The following ZNF549 variants were observed in gnomAD, a reference collection of about 807,000 sequenced individuals.
ZNF549 encodes the protein zinc finger protein 549.
In ZNF549, 11 loss-of-function variants were observed where a neutral mutation model predicts 11.1. The observed-to-expected ratio is 0.99, with a 90% CI of 0.62 to 1.64. The LOEUF (loss-of-function observed/expected upper bound fraction) is 1.64. Ranked by LOEUF, ZNF549 falls within the 40% of genes most tolerant of loss-of-function variation. The pLI is 0.00. For synonymous variants in ZNF549, 266 were observed against 269.1 expected (o/e 0.99, Z 0.11); for missense variants, 748 against 765.1 (o/e 0.98, Z 0.26).
At chr19:57,528,647 A>T (rs892264997) in intron 1 of ZNF549, among the ~76,000 whole-genome samples, 8 of 152,308 alleles carry the variant, frequency 5.3e-5, no homozygotes, top group South Asian at 2.1e-4. Flanking sequence ...GATGGATTTG[A>T]GGGTGGGACA....
Position 57,540,378 on chromosome 19 carries a change from A to G in ZNF549, c.*1451A>G, listed in dbSNP as rs149557277. On this transcript the variant is annotated 3_prime_UTR_variant, in exon 4 of 4. Transcript: ENST00000376233. ...GCAGTTTTCATACACAAAACCTTCTATCTTTTTAAGAACTGTCTGTATGGT... is the reference window on the plus strand; with the variant it reads ...GCAGTTTTCATACACAAAACCTTCTGTCTTTTTAAGAACTGTCTGTATGGT... 293 of 152,350 alleles carry G rather than the reference A, an allele frequency of 1.9e-3. 3 individuals are homozygous for G. Among genetic ancestry groups the G allele is most frequent in the African/African-American group, 6.5e-3 (271 of 41,584 alleles). The allele number at this position is 152,350 out of a possible 1,614,324, so 9.4% of individuals were successfully genotyped here.
In ZNF549 at chr19:57,538,490, A is replaced by G; in HGVS notation, c.1486A>G (p.Thr496Ala). Residue 496 changes from threonine to alanine, a missense_variant, in exon 4 of 4, where the codon ACT becomes GCT. Transcript: ENST00000376233. ...QTLLKHHKIH[T>A]RERPYECSEC... Reference sequence around the variant, plus strand: ...ACTTCTTAAGCATCACAAAATCCACACTAGAGAAAGGCCTTATGAATGCAG... The same window carrying G: ...ACTTCTTAAGCATCACAAAATCCACGCTAGAGAAAGGCCTTATGAATGCAG... 6.2e-7 allele frequency: 1 copy of G among 1,614,204 alleles called. No homozygotes were observed. Among genetic ancestry groups the G allele is most frequent in the Non-Finnish European group, 8.5e-7 (1 of 1,180,032 alleles).
At position 57,531,994 on chromosome 19, in the gene ZNF549, C is replaced by T. The variant is rs534964426; in HGVS notation, c.72+886C>T. Among the ~76,000 whole-genome samples, 13 of 152,270 alleles carry T rather than the reference C, an allele frequency of 8.5e-5. No individual in the cohort carries two copies. The South Asian group carries it at 2.5e-3, about 29-fold the overall frequency. On this transcript the variant is annotated intron_variant, in intron 2 of 3. Transcript: ENST00000376233. ...GTGCTATACATTTTATTCTAAGCAC[C>T]GCTTCGACTGCATCTCACAAATTCT... is the stretch of plus-strand genomic sequence containing the variant.
Position 57,535,224 on chromosome 19 carries a change from G to T in ZNF549, c.153G>T (p.Leu51=). The change falls in exon 3 of 4, where the codon CTG becomes CTT. Residue 51 remains leucine (L), a synonymous_variant. Transcript: ENST00000376233. ...TCCTTGATGAAGCTCAAAGGTGCCT[G>T]TATCATGATGTGATGCTGGAGAACT... ...WGLLDEAQRC[L]YHDVMLENFS... is the part of the protein sequence containing the mutation. The T allele has an allele frequency of 6.2e-7, 1 of 1,614,068 alleles. No homozygotes were observed. Among genetic ancestry groups the T allele is most frequent in the Non-Finnish European group, 8.5e-7 (1 of 1,179,928 alleles).
rs963495516 is a variant in ZNF549 at position 57,527,726 on chromosome 19, C to T, written c.33+120C>T. On this transcript the variant is annotated intron_variant, in intron 1 of 3. Coordinates refer to ENST00000376233, the MANE Select transcript of ZNF549 (RefSeq NM_001199295.2). ...ACAGCGAGGAGTTCTGGGTGGGGTC[C>T]TCAGAGCTGACGGGCGGTGAGGTGA... The T allele has an allele frequency of 7.2e-6, 9 of 1,256,954 alleles. No homozygotes were observed. The African/African-American group carries it at 1.1e-4, about 15-fold the overall frequency. The allele number at this position is 1,256,954 out of a possible 1,614,324, so 77.9% of individuals were successfully genotyped here. A position where few individuals can be genotyped will look rare whatever the true frequency, so the allele number is the denominator to read the frequency against.
In ZNF549 at chr19:57,537,298, T is replaced by A; in HGVS notation, c.294T>A (p.Pro98=). The A allele has an allele frequency of 6.2e-7, 1 of 1,614,220 alleles. No homozygotes were observed. The highest frequency in any genetic ancestry group is 1.1e-5 in the South Asian group (1 of 91,086). The change falls in exon 4 of 4, where the codon CCT becomes CCA. Residue 98 remains proline, a synonymous_variant. Coordinates refer to ENST00000376233, the MANE Select transcript of ZNF549 (RefSeq NM_001199295.2). The part of the protein sequence containing the change: ...VSQARTPKLG[P]SIPNAHSCEM... ...AGGCCAGGACTCCAAAGCTAGGTCC[T>A]TCCATCCCAAATGCTCATTCTTGTG...
rs2089933686 is a variant in ZNF549 at position 57,537,883 on chromosome 19, C to T, written c.879C>T (p.His293=). The change falls in exon 4 of 4, where the codon CAC becomes CAT. Residue 293 remains histidine (H), a synonymous_variant. Transcript: ENST00000376233. ...SFLHKQTLVG[H]QQRIHTRERS... ...TCCATAAACAAACACTCGTTGGGCA[C>T]CAGCAGAGAATTCACACTAGAGAAA... The T allele has an allele frequency of 6.2e-7, 1 of 1,612,776 alleles. No homozygotes were observed. Among genetic ancestry groups the T allele is most frequent in the South Asian group, 1.1e-5 (1 of 90,964 alleles).
rs746872707 is a variant in ZNF549 at position 57,537,259 on chromosome 19, G to A, written c.255G>A (p.Ala85=). ...EEAPSEQTLS[A]QGVSQARTPK... ...CCCCTTCTGAGCAGACTCTTTCTGCGCAAGGAGTGTCACAGGCCAGGACTC... is the reference window on the plus strand; with the variant it reads ...CCCCTTCTGAGCAGACTCTTTCTGCACAAGGAGTGTCACAGGCCAGGACTC... Residue 85 remains alanine (A), a synonymous_variant, in exon 4 of 4, where the codon GCG becomes GCA. Transcript: ENST00000376233. 45 of 1,614,086 alleles carry A rather than the reference G, an allele frequency of 2.8e-5. No individual in the cohort carries two copies. The highest frequency in any genetic ancestry group is 1.6e-4 in the Middle Eastern group (1 of 6,084).
At chr19:57,536,802 C>A (rs187541671) in intron 3 of ZNF549, among the ~76,000 whole-genome samples, 1 of 152,262 alleles carries the variant, frequency 6.6e-6, no homozygotes, top group Admixed American at 6.5e-5. Flanking sequence ...TGAAAACAAA[C>A]CCATGGCCTG....
At chr19:57,529,143 T>G (rs2089892438) in intron 1 of ZNF549, among the ~76,000 whole-genome samples, 1 of 152,234 alleles carries the variant, frequency 6.6e-6, no homozygotes, top group Non-Finnish European at 1.5e-5. Context: ...TTGCTGACAG[T>G]ATTTAGTATA....
chr19:57,530,974 G>A lies in ZNF549; in HGVS notation c.34-96G>A. 2.5e-6 allele frequency: 3 copies of A among 1,179,160 alleles called. No individual in the cohort carries two copies. The African/African-American group carries it at 4.5e-5, about 18-fold the overall frequency. The allele number at this position is 1,179,160 out of a possible 1,614,324, so 73.0% of individuals were successfully genotyped here. On this transcript the variant is annotated intron_variant, in intron 1 of 3. Transcript: ENST00000376233. ...GATGAAGGCAACCTCAGAGAGGTTA[G>A]GTCTTTGTCTAGTGTCACACAGTTG...
rs1477284434 is a variant in ZNF549, at chr19:57,537,894, T to C, written c.890T>C (p.Ile297Thr). 6.2e-7 allele frequency: 1 copy of C among 1,613,702 alleles called. No individual in the cohort carries two copies. Among genetic ancestry groups the C allele is most frequent in the Non-Finnish European group, 8.5e-7 (1 of 1,179,872 alleles). The change falls in exon 4 of 4, where the codon ATT becomes ACT. Residue 297 changes from isoleucine (I) to threonine (T), a missense_variant. Coordinates refer to ENST00000376233, the MANE Select transcript of ZNF549 (RefSeq NM_001199295.2). ...KQTLVGHQQR[I>T]HTRERSYVCI... ...ACACTCGTTGGGCACCAGCAGAGAA[T>C]TCACACTAGAGAAAGGTCTTATGTG...
Position 57,537,542 on chromosome 19 carries a change from A to T in ZNF549, c.538A>T (p.Asn180Tyr), listed in dbSNP as rs142134562. The T allele has an allele frequency of 2.7e-5, 44 of 1,614,126 alleles. No homozygotes were observed. The African/African-American group carries it at 5.5e-4, about 20-fold the overall frequency. Residue 180 changes from asparagine to tyrosine, a missense_variant, in exon 4 of 4, where the codon AAT (asparagine) becomes TAT (tyrosine). Asn to Tyr is a moderately radical substitution (Grantham distance 143). Coordinates refer to ENST00000376233, the MANE Select transcript of ZNF549 (RefSeq NM_001199295.2). ...LNSCKIPLSD[N>Y]LFPCKDVEKD... ...TAGCTGCAAAATTCCTCTGTCAGAC[A>T]ATCTTTTCCCATGCAAAGATGTTGA...
rs555980095 is a variant in ZNF549 at position 57,531,190 on chromosome 19, T to C, written c.72+82T>C. 9.4e-5 allele frequency: 137 copies of C among 1,457,754 alleles called. No individual in the cohort carries two copies. The African/African-American group carries it at 1.6e-3, about 17-fold the overall frequency. The allele number at this position is 1,457,754 out of a possible 1,614,324, so 90.3% of individuals were successfully genotyped here. On this transcript the variant is annotated intron_variant, in intron 2 of 3. Transcript: ENST00000376233. ...GGCCCACAGATGCAGGTAACAATAA[T>C]GTCCTGGGACTCTTTTTCCTTCATC...
At position 57,540,365 on chromosome 19, in the gene ZNF549, C is replaced by A. The variant is rs1422149286; in HGVS notation, c.*1438C>A. On this transcript the variant is annotated 3_prime_UTR_variant, in exon 4 of 4. Transcript: ENST00000376233. ...AAAACATTGAGGTGCAGTTTTCATACACAAAACCTTCTATCTTTTTAAGAA... is the reference window on the plus strand; with the variant it reads ...AAAACATTGAGGTGCAGTTTTCATAAACAAAACCTTCTATCTTTTTAAGAA... The A allele has an allele frequency of 6.6e-6, 1 of 152,226 alleles. No individual in the cohort carries two copies. The highest frequency in any genetic ancestry group is 6.5e-5 in the Admixed American group (1 of 15,286). The allele number at this position is 152,226 out of a possible 1,614,324, so 9.4% of individuals were successfully genotyped here. A position where few individuals can be genotyped will look rare whatever the true frequency, so the allele number is the denominator to read the frequency against.
In ZNF549 at chr19:57,538,744, T is replaced by C; in HGVS notation, c.1740T>C (p.Ser580=). ...TCATTCAACACCAGAAAGTTCACAG[T>C]GGAGAGAGGCCTTATAACTGCACTG... ...TSLIQHQKVH[S]GERPYNCTAC... Residue 580 remains serine, a synonymous_variant, in exon 4 of 4, where the codon AGT becomes AGC. Transcript: ENST00000376233. The C allele has an allele frequency of 6.2e-7, 1 of 1,614,172 alleles. No individual in the cohort carries two copies. Among genetic ancestry groups the C allele is most frequent in the Non-Finnish European group, 8.5e-7 (1 of 1,180,024 alleles).
chr19:57,533,232 C>T (rs1458084634), intron 2 of ZNF549, among the ~76,000 whole-genome samples: 1 of 152,216 alleles, frequency 6.6e-6, no homozygotes, highest in Non-Finnish European at 1.5e-5. Flanking sequence ...TTAAGTCCCA[C>T]AGTTAGGTCT....
chr19:57,527,453 C>T lies in ZNF549; in HGVS notation c.-121C>T, dbSNP rs2089882292. The T allele has an allele frequency of 7.2e-7, 1 of 1,396,686 alleles. No individual in the cohort carries two copies. The allele number at this position is 1,396,686 out of a possible 1,614,324, so 86.5% of individuals were successfully genotyped here. ...GCCGGAAACCGGTGGAGGTGGTGTCCGCCCGCAGAGGAGCTTGCCTGGTCT... is the reference window on the plus strand; with the variant it reads ...GCCGGAAACCGGTGGAGGTGGTGTCTGCCCGCAGAGGAGCTTGCCTGGTCT... On this transcript the variant is annotated 5_prime_UTR_variant, in exon 1 of 4. Coordinates refer to ENST00000376233, the MANE Select transcript of ZNF549 (RefSeq NM_001199295.2).
rs147397394 is a variant in ZNF549, at chr19:57,538,101, G to A, written c.1097G>A (p.Cys366Tyr). 4.5e-5 allele frequency: 73 copies of A among 1,614,106 alleles called. No individual in the cohort carries two copies. The highest frequency in any genetic ancestry group is 6.1e-5 in the Non-Finnish European group (72 of 1,180,052). ...TGERPYVCMECGKSFIHSYDR... is the reference protein window; with the variant it reads ...TGERPYVCMEYGKSFIHSYDR... Reference sequence around the variant, plus strand: ...GAGAGGCCTTATGTGTGTATGGAATGTGGGAAATCTTTTATTCATTCCTAT... The same window carrying A: ...GAGAGGCCTTATGTGTGTATGGAATATGGGAAATCTTTTATTCATTCCTAT... Residue 366 changes from cysteine (C) to tyrosine (Y), a missense_variant, in exon 4 of 4, where the codon TGT becomes TAT. By Grantham distance (194) the Cys-to-Tyr change is radical. Coordinates refer to ENST00000376233, the MANE Select transcript of ZNF549 (RefSeq NM_001199295.2).
Sources: gnomAD v4.1 joint callset for allele counts (sites outside exome capture counted in the v4.1 genomes callset) on GRCh38, gnomAD v4.1.1 for gene constraint, MANE v1.5 for transcripts, NCBI Gene and HGNC (gene_info 2026-07-23, HGNC 2026-07-21) for gene names.